The following PCDHGA10 variants were observed in gnomAD, a reference collection of about 807,000 sequenced individuals.
The protein encoded by PCDHGA10 is protocadherin gamma-A10.
A neutral mutation model predicts 59.5 loss-of-function variants in PCDHGA10; 42 were observed. That is an observed-to-expected ratio of 0.71 (90% CI 0.55 to 0.91). PCDHGA10 has a LOEUF of 0.91. PCDHGA10 is among the 40% of genes least tolerant of loss of function. The pLI is 0.00. For missense variants in PCDHGA10, 1,111 were observed against 1,198.2 expected (o/e 0.93, Z 1.07); for synonymous variants, 511 against 517.2 (o/e 0.99, Z 0.16).
chr5:141,428,224 G>T, intron 1 of PCDHGA10: 1 of 1,164,316 alleles, frequency 8.6e-7, no homozygotes, highest in Non-Finnish European at 1.3e-6. Context: ...AGTCTTCGCA[G>T]ACAGCCTGCA....
intron 1 of PCDHGA10, chr5:141,427,503 A>C (rs1317684577): frequency 6.9e-6 from 4 of 578,118 alleles, no homozygotes; most frequent in Non-Finnish European, 9.8e-6. Flanking sequence ...AACAGATGGG[A>C]CCCTGGATTG....
chr5:141,457,020 C>A (rs2098903789), intron 1 of PCDHGA10, among the ~76,000 whole-genome samples: 1 of 152,086 alleles, frequency 6.6e-6, no homozygotes, highest in Non-Finnish European at 1.5e-5. Flanking sequence ...AATAAAAAGT[C>A]CTAGTAGACT....
Position 141,476,165 on chromosome 5 carries a change from G to A in PCDHGA10, c.2437-18642G>A. ...CGGACTGGTAAGCACCGGGAGGGTA[G>A]TGGGAGTTTTGCTTCTGCTTGGTGC... On this transcript the variant is annotated intron_variant, in intron 1 of 3. Coordinates refer to ENST00000398610, the MANE Select transcript of PCDHGA10 (RefSeq NM_018913.3). This position sits in a 1 kb window ranked among gnomAD's most constrained non-coding sequence, Gnocchi z 7.6. 1 of 1,613,228 alleles carries A rather than the reference G, an allele frequency of 6.2e-7. No homozygotes were observed.
chr5:141,476,754 T>G lies in PCDHGA10; in HGVS notation c.2437-18053T>G. 1 of 1,613,926 alleles carries G rather than the reference T, an allele frequency of 6.2e-7. No individual in the cohort carries two copies. The highest frequency in any genetic ancestry group is 1.1e-5 in the South Asian group (1 of 91,084). On this transcript the variant is annotated intron_variant, in intron 1 of 3. Coordinates refer to ENST00000398610, the MANE Select transcript of PCDHGA10 (RefSeq NM_018913.3). The surrounding 1 kb of genome is among the most constrained non-coding windows in gnomAD (Gnocchi z 7.6). Reference sequence around the variant, plus strand: ...GAACGGGAGCCTAGTCTCCAGTTAGTGCTGACGGCGTTGGACGGAGGGACC... The same window carrying G: ...GAACGGGAGCCTAGTCTCCAGTTAGGGCTGACGGCGTTGGACGGAGGGACC...
Position 141,490,351 on chromosome 5 carries a change from T to C in PCDHGA10, c.2437-4456T>C. Reference sequence around the variant, plus strand: ...CACACCAGTGGGCACAGTAGTGGGGTTGTTTAATGTGCGAGACCGGGACTC... The same window carrying C: ...CACACCAGTGGGCACAGTAGTGGGGCTGTTTAATGTGCGAGACCGGGACTC... On this transcript the variant is annotated intron_variant, in intron 1 of 3. Transcript: ENST00000398610. The surrounding 1 kb of genome is among the most constrained non-coding windows in gnomAD (Gnocchi z 5.4). 6.2e-7 allele frequency: 1 copy of C among 1,614,028 alleles called. No individual in the cohort carries two copies. The highest frequency in any genetic ancestry group is 1.3e-5 in the African/African-American group (1 of 74,976).
At chr5:141,417,712 C>T in intron 1 of PCDHGA10, 1 of 1,270,436 alleles carries the variant, frequency 7.9e-7, no homozygotes, top group Non-Finnish European at 1.1e-6. Context: ...ACAGAGGCTC[C>T]CGGCTGCGCA....
chr5:141,465,583 A>G (rs1056902823), intron 1 of PCDHGA10, among the ~76,000 whole-genome samples: 10 of 152,162 alleles, frequency 6.6e-5, no homozygotes, highest in African/African-American at 2.4e-4. Flanking sequence ...ACACTCTCAT[A>G]ATAATCAGAT....
At chr5:141,473,167 C>T (rs1360150717) in intron 1 of PCDHGA10, among the ~76,000 whole-genome samples, 2 of 152,122 alleles carry the variant, frequency 1.3e-5, no homozygotes. Flanking sequence ...TAGGAAGGCC[C>T]ACTGGTAACT....
intron 2 of PCDHGA10, among the ~76,000 whole-genome samples, chr5:141,501,761 G>C (rs906778888): frequency 2.6e-5 from 4 of 152,090 alleles, no homozygotes; most frequent in African/African-American, 4.8e-5. Flanking sequence ...CTCAGTAAAT[G>C]GTTAAAAAAG....
chr5:141,438,635 TACACAC>T (rs56854727), intron 1 of PCDHGA10, among the ~76,000 whole-genome samples: 557 of 33,182 alleles, frequency 0.017, 8 homozygotes, highest in South Asian at 0.028. Flanking sequence ...TATATATATA[TACACAC>T]ACACACACAC....
intron 2 of PCDHGA10, among the ~76,000 whole-genome samples, chr5:141,498,436 A>G (rs566463876): frequency 6.6e-6 from 1 of 152,268 alleles, no homozygotes; most frequent in East Asian, 1.9e-4. Flanking sequence ...GGGGATGAAG[A>G]GGAGAGGTTC....
Position 141,413,137 on chromosome 5 carries a change from T to C in PCDHGA10, c.-39T>C. On this transcript the variant is annotated 5_prime_UTR_variant, in exon 1 of 4. Transcript: ENST00000398610. ...GGAACCGGTTGAAACACACAACGTG[T>C]CCAGTGAGGACTTTGCAGAATTCTG... 6.4e-7 allele frequency: 1 copy of C among 1,550,612 alleles called. No homozygotes were observed. Among genetic ancestry groups the C allele is most frequent in the Non-Finnish European group, 8.7e-7 (1 of 1,148,874 alleles).
chr5:141,487,516 G>A lies in PCDHGA10; in HGVS notation c.2437-7291G>A, dbSNP rs2099648095. On this transcript the variant is annotated intron_variant, in intron 1 of 3. Coordinates refer to ENST00000398610, the MANE Select transcript of PCDHGA10 (RefSeq NM_018913.3). The surrounding 1 kb of genome is among the most constrained non-coding windows in gnomAD (Gnocchi z 5.0). ...CACCCTTGGCTTCTGCACCCACTCG[G>A]AGTGATAGCTTCATGATGGTGAAGT... 6.2e-7 allele frequency: 1 copy of A among 1,614,078 alleles called. No individual in the cohort carries two copies. The highest frequency in any genetic ancestry group is 1.7e-5 in the Admixed American group (1 of 60,010).
In PCDHGA10 at chr5:141,485,027, G is replaced by A. The variant is rs1594439784; in HGVS notation, c.2437-9780G>A. ...AATCTACCCCGCCACCAGCAAAAAC[G>A]GCGCGTAACCCTTGCGGCGCCGGCC... is the stretch of plus-strand genomic sequence containing the variant. On this transcript the variant is annotated intron_variant, in intron 1 of 3. Coordinates refer to ENST00000398610, the MANE Select transcript of PCDHGA10 (RefSeq NM_018913.3). The surrounding 1 kb of genome is among the most constrained non-coding windows in gnomAD (Gnocchi z 5.7). 1.5e-6 allele frequency: 1 copy of A among 662,546 alleles called. No individual in the cohort carries two copies. Among genetic ancestry groups the A allele is most frequent in the South Asian group, 1.9e-5 (1 of 53,596 alleles). The allele number at this position is 662,546 out of a possible 1,614,324, so 41.0% of individuals were successfully genotyped here.
At position 141,487,033 on chromosome 5, in the gene PCDHGA10, A is replaced by C. The variant is rs1465525110; in HGVS notation, c.2437-7774A>C. ...AGGCCCCAGATCCCAGCCTGTTTGC[A>C]GTCTCTCGATATGCTGGGGAGGTGC... On this transcript the variant is annotated intron_variant, in intron 1 of 3. Transcript: ENST00000398610. This position sits in a 1 kb window ranked among gnomAD's most constrained non-coding sequence, Gnocchi z 5.0. 3 of 1,614,160 alleles carry C rather than the reference A, an allele frequency of 1.9e-6. No individual in the cohort carries two copies. Among genetic ancestry groups the C allele is most frequent in the Non-Finnish European group, 2.5e-6 (3 of 1,180,032 alleles).
Position 141,490,799 on chromosome 5 carries a change from G to A in PCDHGA10, c.2437-4008G>A, listed in dbSNP as rs757092044. On this transcript the variant is annotated intron_variant, in intron 1 of 3. Coordinates refer to ENST00000398610, the MANE Select transcript of PCDHGA10 (RefSeq NM_018913.3). The surrounding 1 kb of genome is among the most constrained non-coding windows in gnomAD (Gnocchi z 5.4). ...GAGGATGGACGGATCTTTGCCCAGC[G>A]TACCTTTGACTATGAATTGCTGCAG... is the stretch of plus-strand genomic sequence containing the variant. 2.7e-5 allele frequency: 43 copies of A among 1,613,888 alleles called. No individual in the cohort carries two copies. Among genetic ancestry groups the A allele is most frequent in the Middle Eastern group, 3.3e-4 (2 of 6,062 alleles).
intron 1 of PCDHGA10, among the ~76,000 whole-genome samples, chr5:141,471,998 A>T (rs938492822): frequency 5.3e-5 from 8 of 152,276 alleles, no homozygotes; most frequent in South Asian, 2.1e-4. Context: ...AAATCCCTGC[A>T]TCGTATAGGG....
rs200877911 is a variant in PCDHGA10 at position 141,477,977 on chromosome 5, A to G, written c.2437-16830A>G. ...ATCCCCTAACCAGAGCCTTTTTGCC[A>G]TAGGGCTGCACACTGGTCAAATCAG... On this transcript the variant is annotated intron_variant, in intron 1 of 3. Coordinates refer to ENST00000398610, the MANE Select transcript of PCDHGA10 (RefSeq NM_018913.3). The surrounding 1 kb of genome is among the most constrained non-coding windows in gnomAD (Gnocchi z 4.9). 5 of 1,614,092 alleles carry G rather than the reference A, an allele frequency of 3.1e-6. No individual in the cohort carries two copies. The East Asian group carries it at 6.7e-5, about 22-fold the overall frequency.
chr5:141,474,685 T>G (rs1562045980), intron 1 of PCDHGA10, among the ~76,000 whole-genome samples: 1 of 152,224 alleles, frequency 6.6e-6, no homozygotes, highest in Non-Finnish European at 1.5e-5. Flanking sequence ...GCCTACCCCT[T>G]CACTTATGTT....
Sources: gnomAD v4.1 joint callset for allele counts (sites outside exome capture counted in the v4.1 genomes callset) on GRCh38, gnomAD v4.1.1 for gene constraint, Gnocchi (gnomAD v3.1) non-coding constraint, MANE v1.5 for transcripts, NCBI Gene and HGNC (gene_info 2026-07-23, HGNC 2026-07-21) for gene names.